Variants in TNR observed in about 807,000 individuals in gnomAD.
TNR encodes tenascin R, also known as tenascin-R.
Under a neutral mutation model 150.4 loss-of-function variants are expected in TNR, and 45 were observed. The ratio of observed to expected loss-of-function variants is 0.30; its 90% CI spans 0.24 to 0.38. The LOEUF (loss-of-function observed/expected upper bound fraction) is 0.38, where lower values mean the gene tolerates loss of function less well. Ranked by LOEUF, TNR falls within the 10% of genes least tolerant of loss-of-function variation. TNR has a pLI of 1.00. For missense variants in TNR, 1,544 were observed against 1,759.1 expected (o/e 0.88, Z 2.19); for synonymous variants, 687 against 678.4 (o/e 1.01, Z -0.20).
chr1:175,597,874 C>T (rs1228319594), intron 1 of TNR, among the ~76,000 whole-genome samples: 2 of 152,172 alleles, frequency 1.3e-5, no homozygotes, highest in Non-Finnish European at 2.9e-5. Context: ...TTCCTCTAGG[C>T]TCATTTCCAT....
At chr1:175,708,074 G>A (rs1666892769) in intron 1 of TNR, among the ~76,000 whole-genome samples, 1 of 150,626 alleles carries the variant, frequency 6.6e-6, no homozygotes, top group East Asian at 2.0e-4. Flanking sequence ...AAACCTAGGT[G>A]TAATTTTCCA....
intron 1 of TNR, among the ~76,000 whole-genome samples, chr1:175,728,954 C>T (rs777937105): frequency 7.9e-5 from 12 of 152,088 alleles, no homozygotes; most frequent in African/African-American, 2.4e-4. Flanking sequence ...GTGATGAAGC[C>T]GGGGTCTGAA....
chr1:175,572,791 G>A (rs1481714865), intron 1 of TNR, among the ~76,000 whole-genome samples: 2 of 150,654 alleles, frequency 1.3e-5, no homozygotes, highest in Non-Finnish European at 3.0e-5. Context: ...CAGTATGTTT[G>A]TCTCATTCAC....
intron 1 of TNR, among the ~76,000 whole-genome samples, chr1:175,563,052 T>C (rs1330971767): frequency 6.6e-6 from 1 of 152,186 alleles, no homozygotes; most frequent in Non-Finnish European, 1.5e-5. Flanking sequence ...AGCAAGGCAA[T>C]GTATTTGTCC....
intron 1 of TNR, among the ~76,000 whole-genome samples, chr1:175,588,317 T>C (rs1235166578): frequency 6.6e-6 from 1 of 152,204 alleles, no homozygotes; most frequent in Non-Finnish European, 1.5e-5. Context: ...AGATGTTGGA[T>C]GATATGAAAG....
chr1:175,701,977 C>A (rs1306660151), intron 1 of TNR, among the ~76,000 whole-genome samples: 1 of 152,216 alleles, frequency 6.6e-6, no homozygotes, highest in Non-Finnish European at 1.5e-5. Flanking sequence ...TAGTGGAGTG[C>A]AAGGAGCTCT....
chr1:175,686,982 T>G (rs565597032), intron 1 of TNR, among the ~76,000 whole-genome samples: 2 of 152,324 alleles, frequency 1.3e-5, no homozygotes, highest in African/African-American at 4.8e-5. Context: ...ATAAAATGAT[T>G]TCTTTTCCTC....
intron 2 of TNR, among the ~76,000 whole-genome samples, chr1:175,423,701 CA>C (rs1208352658): frequency 6.6e-6 from 1 of 152,198 alleles, no homozygotes; most frequent in Non-Finnish European, 1.5e-5. Flanking sequence ...GCTTCAGAGG[CA>C]AGCATCACAG....
At chr1:175,331,133 T>TC (rs1553203551) in intron 20 of TNR, among the ~76,000 whole-genome samples, 4 of 122,956 alleles carry the variant, frequency 3.3e-5, no homozygotes, top group South Asian at 2.7e-4. Context: ...TTTCTTTCTT[T>TC]TCTTTCTTTC....
intron 2 of TNR, among the ~76,000 whole-genome samples, chr1:175,468,919 A>G (rs1657154362): frequency 6.6e-6 from 1 of 152,100 alleles, no homozygotes; most frequent in Non-Finnish European, 1.5e-5. Flanking sequence ...ACAGTAGTCC[A>G]GGTGACAGTC....
At chr1:175,684,174 T>C (rs1374860545) in intron 1 of TNR, among the ~76,000 whole-genome samples, 1 of 152,222 alleles carries the variant, frequency 6.6e-6, no homozygotes, top group Non-Finnish European at 1.5e-5. Context: ...TCCATCTTCT[T>C]TTCTGACAGG....
At chr1:175,681,579 C>T (rs1011626594) in intron 1 of TNR, among the ~76,000 whole-genome samples, 16 of 152,222 alleles carry the variant, frequency 1.1e-4, no homozygotes, top group African/African-American at 3.9e-4. Flanking sequence ...TCAGCATGCT[C>T]CTTCCTGTCT....
Position 175,599,561 on chromosome 1 carries a change from T to A in TNR, c.-164-71192A>T, listed in dbSNP as rs552158709. ...GTTAATGGGGTCTCTGCTGGGCTAG[T>A]GTCCCGCATCAGCGGTAATGGGGCC... On this transcript the variant is annotated intron_variant, in intron 1 of 22. Transcript: ENST00000367674. This position sits in a 1 kb window ranked among gnomAD's most constrained non-coding sequence, Gnocchi z 4.7. 8.9e-4 allele frequency among the ~76,000 whole-genome samples: 135 copies of A among 152,274 alleles called. No homozygotes were observed. The highest frequency in any genetic ancestry group is 3.1e-3 in the African/African-American group (128 of 41,560).
At chr1:175,474,803 G>C (rs1200661182) in intron 2 of TNR, among the ~76,000 whole-genome samples, 2 of 152,230 alleles carry the variant, frequency 1.3e-5, no homozygotes, top group Admixed American at 6.5e-5. Flanking sequence ...AAGGTGCTCA[G>C]TTTGTATTTG....
intron 2 of TNR, among the ~76,000 whole-genome samples, chr1:175,438,277 C>T (rs1327667626): frequency 2.6e-5 from 4 of 152,118 alleles, no homozygotes; most frequent in Non-Finnish European, 5.9e-5. Flanking sequence ...AAGACAAAAA[C>T]CACATGATTA....
chr1:175,734,165 T>C (rs1403456532), intron 1 of TNR, among the ~76,000 whole-genome samples: 2 of 152,170 alleles, frequency 1.3e-5, no homozygotes, highest in Admixed American at 6.5e-5. Context: ...TATGTCAACA[T>C]ATATTGACAT....
chr1:175,575,118 G>T (rs1662047476), intron 1 of TNR, among the ~76,000 whole-genome samples: 1 of 152,198 alleles, frequency 6.6e-6, no homozygotes, highest in Admixed American at 6.5e-5. Context: ...GTGAGTGGAG[G>T]TACACCATGT....
intron 1 of TNR, among the ~76,000 whole-genome samples, chr1:175,562,852 C>T (rs1191236962): frequency 6.6e-6 from 1 of 152,212 alleles, no homozygotes; most frequent in East Asian, 1.9e-4. Flanking sequence ...AGTAAAACAT[C>T]TAATGATAAC....
chr1:175,601,713 C>G (rs1252298988), intron 1 of TNR, among the ~76,000 whole-genome samples: 1 of 152,130 alleles, frequency 6.6e-6, no homozygotes, highest in East Asian at 1.9e-4. Context: ...AGAGAGAAAT[C>G]GCTCCCCTCT....
Sources: allele counts gnomAD v4.1 joint callset (sites outside exome capture counted in the v4.1 genomes callset), GRCh38; gene constraint gnomAD v4.1.1; non-coding constraint Gnocchi (gnomAD v3.1); transcripts MANE v1.5; gene names NCBI Gene and HGNC (gene_info 2026-07-23, HGNC 2026-07-21).